Variants in TCF20 observed in about 807,000 individuals in gnomAD.
TCF20 encodes the protein transcription factor 20.
Under a neutral mutation model 148.6 loss-of-function variants are expected in TCF20, and 3 were observed. That is an observed-to-expected ratio of 0.02 (90% CI 0.01 to 0.05). The LOEUF is 0.05. Among genes scored for constraint, TCF20 ranks in the 10% least tolerant of loss-of-function variants. The probability of loss-of-function intolerance (pLI) is 1.00; values close to 1 mark genes in which losing one functional copy is unlikely to be tolerated. For synonymous variants in TCF20, 1,049 were observed against 909.5 expected, an observed-to-expected ratio of 1.15 and a Z score of -2.76; for missense variants, 2,350 against 2,429.3, an observed-to-expected ratio of 0.97 and a Z score of 0.69.
intron 2 of TCF20, among the ~76,000 whole-genome samples, chr22:42,209,385 A>C (rs1363732949): frequency 2.6e-5 from 4 of 152,232 alleles, no homozygotes; most frequent in African/African-American, 9.6e-5. Flanking sequence ...TCCTAACTGG[A>C]AAGTGTGCGT....
chr22:42,168,538 C>A, intron 5 of TCF20, 71 bp downstream of exon 5: 1 of 1,525,444 alleles, frequency 6.6e-7, no homozygotes, highest in South Asian at 1.2e-5. Flanking sequence ...ATAGAGCGAG[C>A]AGGAGGGCAG....
intron 5 of TCF20, among the ~76,000 whole-genome samples, chr22:42,161,576 G>C (rs191355287): frequency 6.6e-6 from 1 of 152,316 alleles, no homozygotes; most frequent in African/African-American, 2.4e-5. Flanking sequence ...ATGACCTAGT[G>C]GGGGTGCTGG....
chr22:42,241,031 T>C (rs997896337), intron 1 of TCF20, among the ~76,000 whole-genome samples: 7 of 152,070 alleles, frequency 4.6e-5, no homozygotes, highest in African/African-American at 9.7e-5. Context: ...AATTTCTGTA[T>C]TTTTAGTAAG....
chr22:42,335,798 T>A (rs899781134), intron 1 of TCF20, among the ~76,000 whole-genome samples: 4 of 151,996 alleles, frequency 2.6e-5, no homozygotes, highest in Admixed American at 2.6e-4. Flanking sequence ...AGGGAGCCCT[T>A]CAGGGTGCCA....
chr22:42,272,537 G>C (rs1018458252), upstream of TCF20, among the ~76,000 whole-genome samples: 2 of 152,184 alleles, frequency 1.3e-5, no homozygotes, highest in Non-Finnish European at 2.9e-5. Flanking sequence ...TCATTCAAAA[G>C]GGAAAGAATA....
At chr22:42,327,891 C>G (rs1245502878) in intron 1 of TCF20, among the ~76,000 whole-genome samples, 1 of 151,630 alleles carries the variant, frequency 6.6e-6, no homozygotes, top group Non-Finnish European at 1.5e-5. Context: ...GTATAGCACT[C>G]CCTACCGCAG....
intron 1 of TCF20, among the ~76,000 whole-genome samples, chr22:42,217,689 T>C (rs569143495): frequency 4.6e-5 from 7 of 152,162 alleles, no homozygotes; most frequent in Non-Finnish European, 7.4e-5. Context: ...AAAGTGAAAA[T>C]AGAATATGAT....
At chr22:42,264,033 T>C (rs973508178) in intron 1 of TCF20, among the ~76,000 whole-genome samples, 13 of 152,048 alleles carry the variant, frequency 8.5e-5, no homozygotes, top group Non-Finnish European at 8.8e-5. Context: ...TCAGAGAGTA[T>C]GGAAAGGATG....
intron 2 of TCF20, among the ~76,000 whole-genome samples, chr22:42,199,748 G>A (rs186599098): frequency 2.1e-4 from 29 of 139,900 alleles, no homozygotes; most frequent in African/African-American, 6.3e-4. Flanking sequence ...TTAGCCAGAT[G>A]TGGTGACAGG....
Position 42,160,708 on chromosome 22 carries a change from A to G in TCF20, c.*695T>C, listed in dbSNP as rs1935392123. 6.6e-6 allele frequency: 1 copy of G among 152,384 alleles called. No homozygotes were observed. Among genetic ancestry groups the G allele is most frequent in the Non-Finnish European group, 1.5e-5 (1 of 68,022 alleles). 9.4% of individuals were successfully genotyped at this position (152,384 alleles called of 1,614,324 possible). On this transcript the variant is annotated 3_prime_UTR_variant, in exon 6 of 6. Coordinates refer to ENST00000677622, the MANE Select transcript of TCF20 (RefSeq NM_001378418.1). ...AAAAAATTTATTTTTGTGTTTAAAC[A>G]TCATTCCCCTACTCTTGAAAACATG...
At chr22:42,265,057 G>A (rs1378954097) in intron 1 of TCF20, among the ~76,000 whole-genome samples, 4 of 152,192 alleles carry the variant, frequency 2.6e-5, no homozygotes, top group African/African-American at 7.2e-5. Context: ...AATAAGCCAC[G>A]GATATACCAG....
Position 42,170,125 on chromosome 22 carries a change from TG to T in TCF20, c.5750-230del, listed in dbSNP as rs568009478. ...GAGTTAATGGTATGGAAAACACCCA[TG>T]AAACAAAACTGCTTGAAAAAACCAG... On this transcript the variant is annotated intron_variant, in intron 3 of 5. Transcript: ENST00000677622. Among the ~76,000 whole-genome samples, 106 of 151,820 alleles carry T rather than the reference TG, an allele frequency of 7.0e-4. 1 individual carries two copies. In the South Asian group the frequency reaches 7.3e-3, roughly 10 times the overall value.
At chr22:42,313,936 G>A (rs959595012) in intron 1 of TCF20, among the ~76,000 whole-genome samples, 12 of 152,318 alleles carry the variant, frequency 7.9e-5, no homozygotes, top group South Asian at 6.2e-4. Flanking sequence ...CCTTTGCCCC[G>A]GCTGTTCCCG....
chr22:42,182,374 T>C (rs1852393173), intron 2 of TCF20, among the ~76,000 whole-genome samples: 1 of 152,172 alleles, frequency 6.6e-6, no homozygotes, highest in Non-Finnish European at 1.5e-5. Context: ...GCTAAGTAAA[T>C]GTGACCCAAG....
intron 1 of TCF20, among the ~76,000 whole-genome samples, chr22:42,322,407 C>T (rs1319577865): frequency 6.6e-6 from 1 of 151,788 alleles, no homozygotes; most frequent in Non-Finnish European, 1.5e-5. Context: ...AGGGGGTCTG[C>T]TGGAAGTTGT....
intron 1 of TCF20, among the ~76,000 whole-genome samples, chr22:42,269,506 G>A (rs1431847130): frequency 6.6e-6 from 1 of 152,172 alleles, no homozygotes; most frequent in Non-Finnish European, 1.5e-5. Flanking sequence ...CCGGCGTCCA[G>A]AGGACAGTGC....
intron 1 of TCF20, among the ~76,000 whole-genome samples, chr22:42,323,945 T>C (rs1418186974): frequency 1.1e-4 from 11 of 104,672 alleles, no homozygotes; most frequent in Non-Finnish European, 1.5e-4. Flanking sequence ...GTGGTGGTGA[T>C]GGAGGTTATG....
intron 2 of TCF20, among the ~76,000 whole-genome samples, chr22:42,195,988 A>AT (rs1937587786): frequency 6.6e-6 from 1 of 152,214 alleles, no homozygotes. Context: ...TGGGGAGCCT[A>AT]TCTGGTGAGG....
chr22:42,313,603 T>C lies in TCF20; in HGVS notation c.-37+29876A>G, dbSNP rs1196274112. On this transcript the variant is annotated intron_variant, in intron 1 of 1. Transcript: ENST00000515426. ...AGCCTCAACAGAATTCTTTCTTTTT[T>C]TTTTTTTTTTTTTTGAGACAGAGTC... Among the ~76,000 whole-genome samples the C allele has an allele frequency of 2.0e-5, 3 of 149,028 alleles. 1 individual carries two copies. The highest frequency in any genetic ancestry group is 6.7e-5 in the Admixed American group (1 of 15,034).
Sources: allele counts gnomAD v4.1 joint callset (sites outside exome capture counted in the v4.1 genomes callset), GRCh38; gene constraint gnomAD v4.1.1; transcripts MANE v1.5; gene names NCBI Gene and HGNC (gene_info 2026-07-23, HGNC 2026-07-21).